The following TMEM132C variants were observed in gnomAD, a reference collection of about 807,000 sequenced individuals.
TMEM132C encodes the protein transmembrane protein 132C.
Under a neutral mutation model 61.4 loss-of-function variants are expected in TMEM132C, and 29 were observed. The ratio of observed to expected loss-of-function variants is 0.47; its 90% confidence interval spans 0.35 to 0.64. The LOEUF (loss-of-function observed/expected upper bound fraction) is 0.64, where lower values mean the gene tolerates loss of function less well. TMEM132C is among the 30% of genes least tolerant of loss of function. The pLI, the probability that TMEM132C is intolerant of heterozygous loss-of-function variation, is 0.00. For missense variants in TMEM132C, 1,408 were observed against 1,476.9 expected (o/e 0.95, Z 0.76); for synonymous variants, 656 against 633.1 (o/e 1.04, Z -0.54).
intron 1 of TMEM132C, among the ~76,000 whole-genome samples, chr12:128,394,301 G>A (rs1173145190): frequency 6.6e-6 from 1 of 152,112 alleles, no homozygotes; most frequent in African/African-American, 2.4e-5. Flanking sequence ...TGGAGACACA[G>A]CCAAACCACA....
At chr12:128,688,049 G>A (rs200645550) in intron 5 of TMEM132C, among the ~76,000 whole-genome samples, 4 of 152,226 alleles carry the variant, frequency 2.6e-5, no homozygotes, top group African/African-American at 9.6e-5. Context: ...GCCCCTGGGG[G>A]ATGGGATGAG....
chr12:128,492,661 G>C (rs1169052497), intron 2 of TMEM132C, among the ~76,000 whole-genome samples: 1 of 152,192 alleles, frequency 6.6e-6, no homozygotes, highest in Non-Finnish European at 1.5e-5. Flanking sequence ...TTTGAGAAGT[G>C]TCTGTTCATA....
chr12:128,488,420 G>A (rs1215900678), intron 2 of TMEM132C, among the ~76,000 whole-genome samples: 4 of 152,134 alleles, frequency 2.6e-5, no homozygotes, highest in Non-Finnish European at 5.9e-5. Flanking sequence ...CAGCACTTTG[G>A]GAGGCCAAGG....
chr12:128,703,855 G>C (rs542379068), intron 8 of TMEM132C, among the ~76,000 whole-genome samples: 14 of 152,206 alleles, frequency 9.2e-5, no homozygotes, highest in African/African-American at 3.1e-4. Context: ...CACAGCGAGT[G>C]CCCAGTGGAT....
At chr12:128,491,261 C>A (rs1329752478) in intron 2 of TMEM132C, among the ~76,000 whole-genome samples, 3 of 152,218 alleles carry the variant, frequency 2.0e-5, no homozygotes, top group African/African-American at 7.2e-5. Context: ...CAACTTGCTG[C>A]CTGGAGCCTC....
intron 2 of TMEM132C, among the ~76,000 whole-genome samples, chr12:128,516,940 T>C (rs2136124054): frequency 6.6e-6 from 1 of 150,474 alleles, no homozygotes; most frequent in Admixed American, 6.6e-5. Flanking sequence ...AGATTGAACT[T>C]GCCGGGCATG....
intron 1 of TMEM132C, among the ~76,000 whole-genome samples, chr12:128,393,887 C>T (rs1874850501): frequency 6.6e-6 from 1 of 152,252 alleles, no homozygotes; most frequent in Admixed American, 6.5e-5. Flanking sequence ...CACCCAACAA[C>T]TCCCTTTTGT....
intron 4 of TMEM132C, among the ~76,000 whole-genome samples, chr12:128,624,879 G>A (rs986346946): frequency 1.3e-5 from 2 of 152,124 alleles, no homozygotes; most frequent in Admixed American, 1.3e-4. Context: ...TGTCCATAGA[G>A]CCCCGTAAAC....
At chr12:128,692,779 G>T (rs1036186302) in intron 5 of TMEM132C, among the ~76,000 whole-genome samples, 1 of 152,140 alleles carries the variant, frequency 6.6e-6, no homozygotes, top group African/African-American at 2.4e-5. Context: ...ATGCCCTCTG[G>T]GCTGGTAGAT....
chr12:128,535,708 C>T (rs1027715774), intron 2 of TMEM132C, among the ~76,000 whole-genome samples: 3 of 151,954 alleles, frequency 2.0e-5, no homozygotes, highest in South Asian at 2.1e-4. Flanking sequence ...CTCTACTAAA[C>T]GTACAAAAAA....
chr12:128,271,267 T>TATTATA (rs1555248962), intron 1 of TMEM132C, among the ~76,000 whole-genome samples: 4 of 143,032 alleles, frequency 2.8e-5, no homozygotes, highest in Non-Finnish European at 6.1e-5. Flanking sequence ...ATAATAATAA[T>TATTATA]ATAATAATAA....
chr12:128,294,796 C>T (rs78495333), intron 1 of TMEM132C, among the ~76,000 whole-genome samples: 34,441 of 151,832 alleles, frequency 0.23, 4,351 homozygotes, highest in East Asian at 0.5. Context: ...CATCACCTCC[C>T]AAAGGTACCA....
chr12:128,473,104 GTCTTCATCTTCACTCCAGCCTCCA>G (rs1871004325), intron 2 of TMEM132C, among the ~76,000 whole-genome samples: 5 of 4,572 alleles, frequency 1.1e-3, no homozygotes, highest in East Asian at 0.026. Flanking sequence ...TCCAGACTCT[GTCTTCATCTTCACTCCAGCCTCCA>G]TCTTCATCTT....
At chr12:128,442,277 A>G (rs1869823945) in intron 2 of TMEM132C, among the ~76,000 whole-genome samples, 1 of 152,220 alleles carries the variant, frequency 6.6e-6, no homozygotes, top group South Asian at 2.1e-4. Flanking sequence ...GTTCTTGCCA[A>G]AAATGTTAAA....
At chr12:128,601,316 G>A (rs766730016) in intron 3 of TMEM132C, among the ~76,000 whole-genome samples, 5 of 152,154 alleles carry the variant, frequency 3.3e-5, no homozygotes, top group East Asian at 1.9e-4. Context: ...TGTGACTGTC[G>A]GGGCACTCGG....
intron 3 of TMEM132C, among the ~76,000 whole-genome samples, chr12:128,608,250 C>T (rs1456800615): frequency 6.6e-6 from 1 of 152,204 alleles, no homozygotes; most frequent in Non-Finnish European, 1.5e-5. Flanking sequence ...ATCCTTGCAA[C>T]AAACAGCCTC....
chr12:128,639,776 A>G (rs996978306), intron 4 of TMEM132C, among the ~76,000 whole-genome samples: 1 of 152,166 alleles, frequency 6.6e-6, no homozygotes, highest in Non-Finnish European at 1.5e-5. Flanking sequence ...AAACTGGGAC[A>G]TCTGGGAAAA....
At chr12:128,497,253 C>A (rs1871997409) in intron 2 of TMEM132C, among the ~76,000 whole-genome samples, 1 of 152,240 alleles carries the variant, frequency 6.6e-6, no homozygotes, top group African/African-American at 2.4e-5. Context: ...CTGGGCGGTG[C>A]CTCCCAGTTA....
At chr12:128,401,574 G>T (rs1311140040) in intron 1 of TMEM132C, among the ~76,000 whole-genome samples, 1 of 152,124 alleles carries the variant, frequency 6.6e-6, no homozygotes, top group Non-Finnish European at 1.5e-5. Flanking sequence ...TTTCGGAAAG[G>T]ATCAACGACT....
Sources: gnomAD v4.1 joint callset for allele counts (sites outside exome capture counted in the v4.1 genomes callset) on GRCh38, gnomAD v4.1.1 for gene constraint, MANE v1.5 for transcripts, NCBI Gene and HGNC (gene_info 2026-07-23, HGNC 2026-07-21) for gene names.